The following ZFAND3 variants were observed in gnomAD, a reference collection of about 807,000 sequenced individuals.
ZFAND3 encodes zinc finger AN1-type containing 3.
Under a neutral mutation model 29.6 loss-of-function variants are expected in ZFAND3, and 10 were observed. The observed-to-expected ratio is 0.34, with a 90% confidence interval of 0.21 to 0.57. The LOEUF (loss-of-function observed/expected upper bound fraction) is 0.57, where lower values mean the gene tolerates loss of function less well. Among genes scored for constraint, ZFAND3 ranks in the 20% least tolerant of loss-of-function variants. ZFAND3 has a pLI of 0.86. For missense variants in ZFAND3, 230 were observed against 304.5 expected (o/e 0.76, Z 1.82); for synonymous variants, 128 against 112.6 (o/e 1.14, Z -0.87).
intron 2 of ZFAND3, among the ~76,000 whole-genome samples, chr6:37,952,796 G>A (rs1027782955): frequency 2.0e-5 from 3 of 151,554 alleles, no homozygotes; most frequent in African/African-American, 7.3e-5. Flanking sequence ...CCCCATGCAG[G>A]GTTCCCAGCT....
chr6:38,094,114 A>G (rs1764925786), intron 4 of ZFAND3, among the ~76,000 whole-genome samples: 1 of 152,204 alleles, frequency 6.6e-6, no homozygotes, highest in African/African-American at 2.4e-5. Flanking sequence ...AGTTTCTCCT[A>G]GAAAAGGTGG....
At chr6:38,110,229 GT>G (rs1362227400) in intron 4 of ZFAND3, among the ~76,000 whole-genome samples, 2 of 151,980 alleles carry the variant, frequency 1.3e-5, no homozygotes, top group African/African-American at 4.8e-5. Context: ...CAACAGATGT[GT>G]TACTCCAAAA....
intron 5 of ZFAND3, among the ~76,000 whole-genome samples, chr6:38,125,168 A>G (rs1374621213): frequency 6.6e-6 from 1 of 151,986 alleles, no homozygotes; most frequent in Non-Finnish European, 1.5e-5. Flanking sequence ...TCCTCCCTTC[A>G]CTCTCACTGT....
intron 4 of ZFAND3, among the ~76,000 whole-genome samples, chr6:38,111,953 G>A (rs1042940717): frequency 7.2e-5 from 11 of 152,134 alleles, no homozygotes; most frequent in Admixed American, 3.9e-4. Context: ...TATCCTTGGG[G>A]GGTCCTGGAA....
At chr6:38,072,690 C>G (rs1764480024) in intron 3 of ZFAND3, among the ~76,000 whole-genome samples, 1 of 152,014 alleles carries the variant, frequency 6.6e-6, no homozygotes, top group African/African-American at 2.4e-5. Context: ...GTTGAAGCAG[C>G]CATTTTAAGC....
In ZFAND3 at chr6:37,819,923, G is replaced by A. The variant is rs1048694043; in HGVS notation, c.-23G>A. 2 of 1,207,628 alleles carry A rather than the reference G, an allele frequency of 1.7e-6. No homozygotes were observed. Among genetic ancestry groups the A allele is most frequent in the East Asian group, 3.5e-5 (1 of 28,660 alleles). 74.8% of individuals were successfully genotyped at this position (1,207,628 alleles called of 1,614,324 possible). On this transcript the variant is annotated 5_prime_UTR_variant, in exon 1 of 6. Transcript: ENST00000287218. ...AGCCGCCGCCACCGCTGCCGCCGCCGAGCTCCGCCGCCGCCGAGCACCATG... is the reference window on the plus strand; with the variant it reads ...AGCCGCCGCCACCGCTGCCGCCGCCAAGCTCCGCCGCCGCCGAGCACCATG...
intron 5 of ZFAND3, among the ~76,000 whole-genome samples, chr6:38,119,857 C>A (rs755910851): frequency 6.6e-6 from 1 of 152,182 alleles, no homozygotes; most frequent in African/African-American, 2.4e-5. Flanking sequence ...ACATAGGGAA[C>A]AGCTAGAGGT....
intron 5 of ZFAND3, among the ~76,000 whole-genome samples, chr6:38,117,453 TAAGTC>T (rs1285534473): frequency 2.6e-5 from 4 of 152,266 alleles, no homozygotes; most frequent in Non-Finnish European, 4.4e-5. Context: ...GAATGAAACT[TAAGTC>T]AACCCTTTCT....
At chr6:38,076,647 TG>T (rs1217835784) in intron 3 of ZFAND3, among the ~76,000 whole-genome samples, 6 of 152,208 alleles carry the variant, frequency 3.9e-5, no homozygotes, top group Non-Finnish European at 7.3e-5. Context: ...GTTTTGTAAA[TG>T]GTTTAATTTG....
chr6:38,083,915 A>G (rs1476461512), intron 4 of ZFAND3, among the ~76,000 whole-genome samples: 1 of 152,164 alleles, frequency 6.6e-6, no homozygotes, highest in Non-Finnish European at 1.5e-5. Context: ...TGCTTACTAC[A>G]TTGCCAGGTA....
chr6:38,101,988 T>A (rs564035950), intron 4 of ZFAND3, among the ~76,000 whole-genome samples: 1 of 152,282 alleles, frequency 6.6e-6, no homozygotes, highest in South Asian at 2.1e-4. Flanking sequence ...CCCCCTTACA[T>A]TAAACCTGGA....
intron 2 of ZFAND3, among the ~76,000 whole-genome samples, chr6:37,968,160 G>A (rs1762324365): frequency 1.3e-5 from 2 of 151,850 alleles, no homozygotes; most frequent in Admixed American, 1.3e-4. Context: ...CAAGAAATTG[G>A]GATTTAATGG....
chr6:37,872,219 C>T (rs1237666233), intron 1 of ZFAND3, among the ~76,000 whole-genome samples: 1 of 152,178 alleles, frequency 6.6e-6, no homozygotes, highest in African/African-American at 2.4e-5. Flanking sequence ...TTTAGAAAAA[C>T]AAAAGGAAAC....
At chr6:37,960,081 T>C (rs1292079754) in intron 2 of ZFAND3, among the ~76,000 whole-genome samples, 1 of 152,194 alleles carries the variant, frequency 6.6e-6, no homozygotes, top group Admixed American at 6.5e-5. Flanking sequence ...CTGAAATGTG[T>C]TCTGAAATCT....
chr6:38,105,367 T>C (rs1044420750), intron 4 of ZFAND3, among the ~76,000 whole-genome samples: 4 of 152,088 alleles, frequency 2.6e-5, no homozygotes, highest in Non-Finnish European at 5.9e-5. Context: ...ATCATGCCAC[T>C]GCACTCCAGC....
chr6:37,983,882 C>T (rs1370981997), intron 2 of ZFAND3, among the ~76,000 whole-genome samples: 1 of 152,150 alleles, frequency 6.6e-6, no homozygotes, highest in African/African-American at 2.4e-5. Context: ...ATGATGTTCA[C>T]ACAACAATGA....
intron 1 of ZFAND3, among the ~76,000 whole-genome samples, chr6:37,876,673 T>C (rs762771677): frequency 6.6e-6 from 1 of 152,230 alleles, no homozygotes; most frequent in Non-Finnish European, 1.5e-5. Context: ...AAAGAATGGC[T>C]GACATGGTGT....
At chr6:38,005,605 A>G (rs890273654) in intron 2 of ZFAND3, among the ~76,000 whole-genome samples, 2 of 152,136 alleles carry the variant, frequency 1.3e-5, no homozygotes, top group African/African-American at 4.8e-5. Flanking sequence ...TACCTGAGAG[A>G]CTGTTTTTAG....
At chr6:37,843,854 A>C (rs1198765751) in intron 1 of ZFAND3, among the ~76,000 whole-genome samples, 6 of 151,370 alleles carry the variant, frequency 4.0e-5, no homozygotes, top group African/African-American at 1.5e-4. Context: ...AGCTAATTTG[A>C]ACATATTCTC....
Sources: gnomAD v4.1 joint callset for allele counts (sites outside exome capture counted in the v4.1 genomes callset) on GRCh38, gnomAD v4.1.1 for gene constraint, MANE v1.5 for transcripts, NCBI Gene and HGNC (gene_info 2026-07-23, HGNC 2026-07-21) for gene names.